The following NKAIN3 variants were observed in gnomAD, a reference collection of about 807,000 sequenced individuals.
The protein encoded by NKAIN3 is sodium/potassium transporting ATPase interacting 3.
Under a neutral mutation model 30.2 loss-of-function variants are expected in NKAIN3, and 25 were observed. The observed-to-expected ratio is 0.83, with a 90% CI of 0.60 to 1.16. NKAIN3 has a LOEUF of 1.16. Among genes scored for constraint, NKAIN3 ranks in the 50% most tolerant of loss-of-function variants. The pLI, the probability that NKAIN3 is intolerant of heterozygous loss-of-function variation, is 0.00. For missense variants in NKAIN3, 225 were observed against 254.1 expected, an observed-to-expected ratio of 0.89 and a Z score of 0.78; for synonymous variants, 91 against 89.6, an observed-to-expected ratio of 1.02 and a Z score of -0.09.
At chr8:62,716,511 T>C (rs1457330305) in intron 3 of NKAIN3, among the ~76,000 whole-genome samples, 1 of 152,136 alleles carries the variant, frequency 6.6e-6, no homozygotes, top group Non-Finnish European at 1.5e-5. Context: ...ATCTTAGTTA[T>C]AAAAGTGAGC....
chr8:62,780,477 C>A (rs1310127045), intron 4 of NKAIN3, among the ~76,000 whole-genome samples: 1 of 151,954 alleles, frequency 6.6e-6, no homozygotes, highest in Non-Finnish European at 1.5e-5. Context: ...GACAAGGACA[C>A]AGCAAAGAAA....
chr8:62,523,564 G>GT (rs1808217408), intron 1 of NKAIN3, among the ~76,000 whole-genome samples: 1 of 152,076 alleles, frequency 6.6e-6, no homozygotes, highest in African/African-American at 2.4e-5. Context: ...AACCCACTGG[G>GT]TTTCACTGTT....
At chr8:62,552,876 A>G (rs1047381729) in intron 1 of NKAIN3, among the ~76,000 whole-genome samples, 1 of 152,214 alleles carries the variant, frequency 6.6e-6, no homozygotes, top group African/African-American at 2.4e-5. Context: ...GGTTGGCAGC[A>G]CAGGGTTACA....
chr8:62,285,981 G>A (rs898364526), intron 1 of NKAIN3, among the ~76,000 whole-genome samples: 5 of 152,046 alleles, frequency 3.3e-5, no homozygotes, highest in African/African-American at 1.2e-4. Context: ...TACTTGCAGT[G>A]GCTTACATAT....
chr8:62,953,038 C>T (rs1026481652), intron 5 of NKAIN3, among the ~76,000 whole-genome samples: 6 of 152,070 alleles, frequency 3.9e-5, no homozygotes, highest in Non-Finnish European at 5.9e-5. Context: ...AAAAATGCTA[C>T]TCTGTATGGA....
intron 4 of NKAIN3, among the ~76,000 whole-genome samples, chr8:62,803,655 G>T (rs1807080242): frequency 6.6e-6 from 1 of 152,056 alleles, no homozygotes; most frequent in South Asian, 2.1e-4. Flanking sequence ...GCCTGCAAGA[G>T]AAAGCAGGAA....
intron 4 of NKAIN3, among the ~76,000 whole-genome samples, chr8:62,831,696 T>C (rs1819202249): frequency 6.6e-6 from 1 of 152,120 alleles, no homozygotes; most frequent in Admixed American, 6.6e-5. Context: ...AAAATTTTAA[T>C]GAGCAAGACC....
At chr8:62,654,563 C>T (rs887547726) in intron 3 of NKAIN3, among the ~76,000 whole-genome samples, 1 of 152,144 alleles carries the variant, frequency 6.6e-6, no homozygotes, top group African/African-American at 2.4e-5. Context: ...ATTAGAATGA[C>T]TTTATTGACT....
intron 1 of NKAIN3, among the ~76,000 whole-genome samples, chr8:62,306,104 C>T (rs1430373471): frequency 2.7e-5 from 4 of 150,356 alleles, no homozygotes; most frequent in Non-Finnish European, 5.9e-5. Flanking sequence ...AGTTGTACAC[C>T]ATTTGTGTTA....
intron 3 of NKAIN3, among the ~76,000 whole-genome samples, chr8:62,649,622 C>T (rs114982088): frequency 0.017 from 2,514 of 152,206 alleles, 62 homozygotes; most frequent in African/African-American, 0.057. Context: ...GTCAGCTGAG[C>T]GGTGCTGGCA....
chr8:62,462,834 T>A (rs1035624852), intron 1 of NKAIN3, among the ~76,000 whole-genome samples: 10 of 152,194 alleles, frequency 6.6e-5, no homozygotes, highest in Admixed American at 5.9e-4. Flanking sequence ...TGGCTGGAGC[T>A]AGGCAGCAAC....
chr8:62,891,968 G>A (rs1821309574), intron 4 of NKAIN3, among the ~76,000 whole-genome samples: 1 of 152,142 alleles, frequency 6.6e-6, no homozygotes. Flanking sequence ...TCCATGACCA[G>A]TGGAATAAGG....
chr8:62,578,675 A>G (rs1277361004), intron 1 of NKAIN3, among the ~76,000 whole-genome samples: 1 of 152,042 alleles, frequency 6.6e-6, no homozygotes. Flanking sequence ...TTTTTTTCCA[A>G]AATGGTACTA....
At chr8:62,798,373 C>T (rs771859717) in intron 4 of NKAIN3, among the ~76,000 whole-genome samples, 9 of 152,214 alleles carry the variant, frequency 5.9e-5, no homozygotes, top group Admixed American at 1.3e-4. Context: ...AGATCGAGAC[C>T]ATCCTGGCTA....
At chr8:62,344,894 G>C (rs1180764048) in intron 1 of NKAIN3, 1 of 414,572 alleles carries the variant, frequency 2.4e-6, no homozygotes, top group Non-Finnish European at 4.8e-6. Flanking sequence ...AGATAACTTT[G>C]AGTAGCTTGG....
At chr8:62,650,552 A>G (rs1012637030) in intron 3 of NKAIN3, among the ~76,000 whole-genome samples, 6 of 152,154 alleles carry the variant, frequency 3.9e-5, no homozygotes, top group African/African-American at 1.4e-4. Flanking sequence ...TCTCGATTGT[A>G]CATTCTTTGA....
intron 3 of NKAIN3, among the ~76,000 whole-genome samples, chr8:62,687,906 C>A (rs1813847766): frequency 6.6e-6 from 1 of 152,276 alleles, no homozygotes; most frequent in Middle Eastern, 3.4e-3. Flanking sequence ...CCTGGGGCAA[C>A]AAGCACAATA....
intron 1 of NKAIN3, among the ~76,000 whole-genome samples, chr8:62,450,233 T>C (rs562917902): frequency 2.0e-3 from 298 of 152,306 alleles, no homozygotes; most frequent in Non-Finnish European, 3.2e-3. Flanking sequence ...TTATTTTTAT[T>C]AACATTTACA....
At chr8:62,548,775 A>G (rs1809098953) in intron 1 of NKAIN3, among the ~76,000 whole-genome samples, 1 of 150,666 alleles carries the variant, frequency 6.6e-6, no homozygotes, top group African/African-American at 2.4e-5. Flanking sequence ...AATATATATA[A>G]TAGTATATAT....
Sources: gnomAD v4.1 joint callset for allele counts (sites outside exome capture counted in the v4.1 genomes callset) on GRCh38, gnomAD v4.1.1 for gene constraint, MANE v1.5 for transcripts, NCBI Gene and HGNC (gene_info 2026-07-23, HGNC 2026-07-21) for gene names.